The following SYTL4 variants were observed in gnomAD, a reference collection of about 807,000 sequenced individuals.
SYTL4 encodes synaptotagmin like 4.
In SYTL4, 16 loss-of-function variants were observed where a neutral mutation model predicts 52.7. That is an observed-to-expected ratio of 0.30 (90% CI 0.21 to 0.46). The LOEUF (loss-of-function observed/expected upper bound fraction) is 0.46. Among genes scored for constraint, SYTL4 ranks in the 20% least tolerant of loss-of-function variants. SYTL4 has a pLI of 1.00. For missense variants in SYTL4, 423 were observed against 519.9 expected (o/e 0.81, Z 1.81); for synonymous variants, 160 against 186.6 (o/e 0.86, Z 1.16).
intron 19 of SYTL4, 147 bp from the exon 20 acceptor site, chrX:100,676,323 A>G: frequency 1.8e-6 from 1 of 559,070 alleles, no homozygotes. Context: ...GTGCTCCCTC[A>G]CCTGTATTCC....
At chrX:100,718,455 T>C (rs1239891135) in intron 2 of SYTL4, among the ~76,000 whole-genome samples, 3 of 110,462 alleles carry the variant, frequency 2.7e-5, no homozygotes, top group Non-Finnish European at 5.7e-5. Context: ...AGAAGAAAAA[T>C]AGGAGTGGAG....
In SYTL4 at chrX:100,732,007, T is replaced by C. The variant is rs1277764597; in HGVS notation, c.-331A>G. On this transcript the variant is annotated 5_prime_UTR_variant, in exon 1 of 20. Coordinates refer to ENST00000372989, the MANE Select transcript of SYTL4 (RefSeq NM_001370165.1). ...CGGCCGCTGGCTGTTGACCTACCTGTCACTTGCAACAGGTGCCTCCAGAGA... is the reference window on the plus strand; with the variant it reads ...CGGCCGCTGGCTGTTGACCTACCTGCCACTTGCAACAGGTGCCTCCAGAGA... 2.7e-5 allele frequency: 3 copies of C among 111,714 alleles called. No homozygotes were observed. The highest frequency in any genetic ancestry group is 9.8e-5 in the African/African-American group (3 of 30,769). 9.2% of individuals were successfully genotyped at this position (111,714 alleles called of 1,213,427 possible). A position where few individuals can be genotyped will look rare whatever the true frequency, so the allele number is the denominator to read the frequency against.
intron 2 of SYTL4, among the ~76,000 whole-genome samples, chrX:100,711,006 A>G (rs920003122): frequency 6.2e-5 from 7 of 112,363 alleles, no homozygotes; most frequent in Admixed American, 1.9e-4. Flanking sequence ...TGTCACTCAC[A>G]CAGGGCTAAG....
chrX:100,723,561 G>C (rs1254909750), intron 2 of SYTL4, among the ~76,000 whole-genome samples: 1 of 111,636 alleles, frequency 9.0e-6, no homozygotes, highest in Non-Finnish European at 1.9e-5. Flanking sequence ...GAAGTGAGGA[G>C]TGTCTCTGCC....
At position 100,697,134 on chromosome X, in the gene SYTL4, G is replaced by C. The variant is rs1372327438; in HGVS notation, c.539+3763C>G. Reference sequence around the variant, plus strand: ...CAGGTACCACTGTAGAACCTCAACAGAGACAGACAAGACTGATGCAAAATG... The same window carrying C: ...CAGGTACCACTGTAGAACCTCAACACAGACAGACAAGACTGATGCAAAATG... On this transcript the variant is annotated intron_variant, in intron 8 of 19. Coordinates refer to ENST00000372989, the MANE Select transcript of SYTL4 (RefSeq NM_001370165.1). Among the ~76,000 whole-genome samples the C allele has an allele frequency of 2.7e-5, 3 of 112,035 alleles. No homozygotes were observed. The East Asian group carries it at 8.4e-4, about 31-fold the overall frequency.
At chrX:100,696,387 C>T (rs1490959023) in intron 8 of SYTL4, among the ~76,000 whole-genome samples, 1 of 112,086 alleles carries the variant, frequency 8.9e-6, no homozygotes, top group Non-Finnish European at 1.9e-5. Flanking sequence ...AGTTGTTTTA[C>T]ATCCTCACCA....
chrX:100,675,991 C>G lies in SYTL4; in HGVS notation c.*37G>C, dbSNP rs2083270725. ...GATTTCTTCACTTCCTCTGACCTGCCCTCGCCAGGGCTGGACCTGCAGAAG... is the reference window on the plus strand; with the variant it reads ...GATTTCTTCACTTCCTCTGACCTGCGCTCGCCAGGGCTGGACCTGCAGAAG... On this transcript the variant is annotated 3_prime_UTR_variant, in exon 20 of 20. Coordinates refer to ENST00000372989, the MANE Select transcript of SYTL4 (RefSeq NM_001370165.1). 1.7e-6 allele frequency: 2 copies of G among 1,190,710 alleles called. No homozygotes were observed. The highest frequency in any genetic ancestry group is 2.3e-4 in the Middle Eastern group (1 of 4,273).
At chrX:100,683,046 G>A (rs146208661) in intron 16 of SYTL4, among the ~76,000 whole-genome samples, 1,278 of 109,635 alleles carry the variant, frequency 0.012, 7 homozygotes, top group Non-Finnish European at 0.016. Context: ...TCACTCGATT[G>A]GCTCTCTCGG....
At chrX:100,680,843 G>A (rs1280776308) in intron 17 of SYTL4, among the ~76,000 whole-genome samples, 1 of 110,831 alleles carries the variant, frequency 9.0e-6, no homozygotes, top group East Asian at 2.8e-4. Context: ...CTACACAACC[G>A]TAGTCACTAA....
chrX:100,712,592 A>G (rs1285721385), intron 2 of SYTL4, among the ~76,000 whole-genome samples: 2 of 112,824 alleles, frequency 1.8e-5, no homozygotes, highest in Non-Finnish European at 3.7e-5. Flanking sequence ...CATTTCTGAC[A>G]TGACACGTAA....
At chrX:100,681,357 C>T in intron 16 of SYTL4, 22 bp from the exon 17 acceptor site, 1 of 1,145,564 alleles carries the variant, frequency 8.7e-7, no homozygotes, top group Non-Finnish European at 1.2e-6. Context: ...GGAAACCCAA[C>T]AGGTCAAGCT....
At chrX:100,720,785 C>T (rs1398035274) in intron 2 of SYTL4, among the ~76,000 whole-genome samples, 2 of 112,022 alleles carry the variant, frequency 1.8e-5, no homozygotes, top group South Asian at 3.7e-4. Context: ...GAATTGCATA[C>T]GTGGCAGGTA....
At chrX:100,699,295 A>G in intron 8 of SYTL4, among the ~76,000 whole-genome samples, 1 of 105,563 alleles carries the variant, frequency 9.5e-6, no homozygotes, top group East Asian at 3.1e-4. Context: ...TGAACCTGGG[A>G]GGTGAAGGTT....
rs761748103 is a variant in SYTL4 at position 100,695,904 on chromosome X, T to C, written c.540-4695A>G. ...TCTGCTTTCTGTCACTGCTTTCTAG[T>C]TTGTATTTTCTAGTTTTTATACAAA... On this transcript the variant is annotated intron_variant, in intron 8 of 19. Coordinates refer to ENST00000372989, the MANE Select transcript of SYTL4 (RefSeq NM_001370165.1). 2.7e-5 allele frequency among the ~76,000 whole-genome samples: 3 copies of C among 111,986 alleles called. No individual in the cohort carries two copies. In the East Asian group the frequency reaches 8.4e-4, roughly 31 times the overall value.
At chrX:100,682,639 G>A (rs1442476156) in intron 16 of SYTL4, among the ~76,000 whole-genome samples, 1 of 110,470 alleles carries the variant, frequency 9.1e-6, no homozygotes, top group Non-Finnish European at 1.9e-5. Context: ...CCCAGGAGGC[G>A]GAGGTTGCAG....
intron 2 of SYTL4, among the ~76,000 whole-genome samples, chrX:100,711,064 G>A (rs908506300): frequency 9.0e-6 from 1 of 111,686 alleles, no homozygotes; most frequent in South Asian, 3.7e-4. Context: ...CATGATTCAC[G>A]GGACACTAGC....
intron 2 of SYTL4, among the ~76,000 whole-genome samples, chrX:100,721,610 C>T (rs181384108): frequency 9.0e-6 from 1 of 110,851 alleles, no homozygotes; most frequent in Admixed American, 9.6e-5. Context: ...TTTGATATCA[C>T]TGATTCAACA....
chrX:100,698,725 C>A (rs774443771), intron 8 of SYTL4, among the ~76,000 whole-genome samples: 13 of 111,854 alleles, frequency 1.2e-4, no homozygotes, highest in Non-Finnish European at 2.4e-4. Flanking sequence ...TGAAGGACCT[C>A]CTCAATGATG....
intron 16 of SYTL4, among the ~76,000 whole-genome samples, chrX:100,684,045 T>G (rs1172419336): frequency 8.9e-6 from 1 of 112,119 alleles, no homozygotes; most frequent in African/African-American, 3.2e-5. Context: ...TGTTATACTT[T>G]GGTAATAATT....
Sources: allele counts gnomAD v4.1 joint callset (sites outside exome capture counted in the v4.1 genomes callset), GRCh38; gene constraint gnomAD v4.1.1; transcripts MANE v1.5; gene names NCBI Gene and HGNC (gene_info 2026-07-23, HGNC 2026-07-21).